Variants in TMEM114 observed in about 807,000 individuals in gnomAD.
TMEM114 encodes the protein transmembrane protein 114.
In TMEM114, 6 loss-of-function variants were observed where a neutral mutation model predicts 6.2. The ratio of observed to expected loss-of-function variants is 0.97; its 90% CI spans 0.53 to 1.91. The LOEUF (loss-of-function observed/expected upper bound fraction) is 1.91, where lower values mean the gene tolerates loss of function less well. Ranked by LOEUF, TMEM114 falls within the 40% of genes most tolerant of loss-of-function variation. The pLI is 0.01. For missense variants in TMEM114, 218 were observed against 158.3 expected (o/e 1.38, Z -2.02); for synonymous variants, 104 against 73.0 (o/e 1.42, Z -2.16).
intron 2 of TMEM114, among the ~76,000 whole-genome samples, chr16:8,557,653 C>G (rs1027004157): frequency 6.6e-6 from 1 of 152,196 alleles, no homozygotes; most frequent in Non-Finnish European, 1.5e-5. Flanking sequence ...GCCTTGGTCC[C>G]TTTTCCAGAA....
intron 2 of TMEM114, among the ~76,000 whole-genome samples, chr16:8,539,703 T>C (rs539322362): frequency 6.6e-6 from 1 of 151,956 alleles, no homozygotes. Context: ...ATGTTGTTCA[T>C]ATAGATCTCA....
chr16:8,550,350 C>T (rs954261848), intron 2 of TMEM114, among the ~76,000 whole-genome samples: 3 of 152,170 alleles, frequency 2.0e-5, no homozygotes, highest in African/African-American at 7.2e-5. Context: ...CATCACAGTA[C>T]CCTAGAATTT....
chr16:8,529,494 C>G, the TMEM114 span, among the ~76,000 whole-genome samples: 1 of 152,142 alleles, frequency 6.6e-6, no homozygotes, highest in South Asian at 2.1e-4. Context: ...AGTGTTTCTA[C>G]GACTGTGGTC....
chr16:8,564,151 GAGTT>G (rs1567203462), intron 2 of TMEM114, among the ~76,000 whole-genome samples: 1 of 151,084 alleles, frequency 6.6e-6, no homozygotes, highest in African/African-American at 2.5e-5. Flanking sequence ...GTGAGTGAAT[GAGTT>G]AGTGAATGAG....
chr16:8,576,704 CAGGAAGGAAGGAAGGAAGGA>C (rs71396282), intron 2 of TMEM114, among the ~76,000 whole-genome samples: 4,720 of 129,410 alleles, frequency 0.036, 92 homozygotes, highest in Non-Finnish European at 0.041. Flanking sequence ...TGAATGAGAG[CAGGAAGGAAGGAAGGAAGGA>C]AGGAAGGAAG....
At chr16:8,565,173 G>C (rs1361884451), downstream of TMEM114, among the ~76,000 whole-genome samples, 1 of 152,134 alleles carries the variant, frequency 6.6e-6, no homozygotes, top group Non-Finnish European at 1.5e-5. Flanking sequence ...ATGCATGGAT[G>C]GATGAGTGAA....
chr16:8,548,692 A>G (rs1204691756), intron 2 of TMEM114, among the ~76,000 whole-genome samples: 1 of 128,928 alleles, frequency 7.8e-6, no homozygotes, highest in African/African-American at 3.1e-5. Context: ...AAAAATTGCC[A>G]TGTATATATA....
At chr16:8,552,257 G>T (rs1242462839) in intron 2 of TMEM114, among the ~76,000 whole-genome samples, 2 of 151,934 alleles carry the variant, frequency 1.3e-5, no homozygotes, top group African/African-American at 2.4e-5. Context: ...GGTTGTGTGT[G>T]CCTATAGTCC....
Position 8,570,394 on chromosome 16 carries a change from C to T in TMEM114, c.440-389G>A, listed in dbSNP as rs1249685730. ...GCAGCGGTGCGATCTCAGCTTGCTG[C>T]GATCTCAGCTTGCTGCAACCTCCAC... On this transcript the variant is annotated intron_variant, in intron 3 of 3. Transcript: ENST00000620492. Among the ~76,000 whole-genome samples the T allele has an allele frequency of 2.0e-5, 3 of 152,098 alleles. No homozygotes were observed. In the East Asian group the frequency reaches 5.8e-4, roughly 29 times the overall value.
intron 2 of TMEM114, among the ~76,000 whole-genome samples, chr16:8,559,974 G>C (rs1254232271): frequency 1.3e-5 from 2 of 152,070 alleles, no homozygotes; most frequent in East Asian, 3.9e-4. Context: ...CTCTGTTCTG[G>C]AAACTTCTGG....
At chr16:8,580,760 C>T (rs994906172) in intron 2 of TMEM114, among the ~76,000 whole-genome samples, 2 of 152,124 alleles carry the variant, frequency 1.3e-5, no homozygotes, top group African/African-American at 2.4e-5. Flanking sequence ...GGCCTTATCT[C>T]GGCTCACTGC....
chr16:8,574,465 T>C (rs1358455469), intron 2 of TMEM114, among the ~76,000 whole-genome samples: 1 of 152,196 alleles, frequency 6.6e-6, no homozygotes, highest in Non-Finnish European at 1.5e-5. Flanking sequence ...CTAACTTTGG[T>C]GAGTCAAGAA....
intron 2 of TMEM114, among the ~76,000 whole-genome samples, chr16:8,545,303 G>A (rs1279937340): frequency 6.6e-6 from 1 of 152,136 alleles, no homozygotes; most frequent in Non-Finnish European, 1.5e-5. Flanking sequence ...AGGCACAGTG[G>A]CACATGCCTG....
intron 2 of TMEM114, among the ~76,000 whole-genome samples, chr16:8,562,680 GTGAGTGAGGGAA>G (rs1339406063): frequency 3.4e-5 from 5 of 148,926 alleles, no homozygotes; most frequent in Admixed American, 6.6e-5. Flanking sequence ...GAGGGAATGA[GTGAGTGAGGGAA>G]TGAGTGAGTG....
downstream of TMEM114, among the ~76,000 whole-genome samples, chr16:8,569,285 C>G (rs1324767229): frequency 6.6e-6 from 1 of 152,094 alleles, no homozygotes; most frequent in South Asian, 2.1e-4. Flanking sequence ...CTAACCTGAC[C>G]CCGTAGAAAG....
rs74337664 is a variant in TMEM114 at position 8,539,395 on chromosome 16, G to A, written n.213-1569C>T. ...TACCCAGAATACTTGCCCCTGGCCC[G>A]AGTGACTGCTCCAGCTCCGCAAAGC... On this transcript the variant is annotated intron_variant and non_coding_transcript_variant, in intron 2 of 2. Transcript: ENST00000623677. Among the ~76,000 whole-genome samples the A allele has an allele frequency of 8.4e-3, 1,284 of 152,188 alleles. 25 individuals carry two copies. Among genetic ancestry groups the A allele is most frequent in the African/African-American group, 0.029 (1,209 of 41,514 alleles).
At chr16:8,552,724 A>G (rs1900885223) in intron 2 of TMEM114, among the ~76,000 whole-genome samples, 1 of 150,424 alleles carries the variant, frequency 6.6e-6, no homozygotes, top group Non-Finnish European at 1.5e-5. Flanking sequence ...AAAAAAAGAC[A>G]ATGGCTGTGC....
chr16:8,544,316 T>A (rs183223696), intron 2 of TMEM114, among the ~76,000 whole-genome samples: 28 of 152,332 alleles, frequency 1.8e-4, no homozygotes, highest in African/African-American at 6.5e-4. Context: ...CAAATGTTTG[T>A]TGAGCATTAA....
Position 8,569,551 on chromosome 16 carries a change from G to A in TMEM114, c.*222C>T, listed in dbSNP as rs1318074671. ...TCGCGAAGCGGTTTGGCACTCCCTCGGGCTCCTCCAGGCCACACGGACACA... is the reference window on the plus strand; with the variant it reads ...TCGCGAAGCGGTTTGGCACTCCCTCAGGCTCCTCCAGGCCACACGGACACA... On this transcript the variant is annotated 3_prime_UTR_variant, in exon 4 of 4. Coordinates refer to ENST00000620492, the MANE Select transcript of TMEM114 (RefSeq NM_001146336.2). The A allele has an allele frequency of 5.0e-6, 7 of 1,406,996 alleles. No individual in the cohort carries two copies. In the Admixed American group the frequency reaches 8.9e-5, roughly 18 times the overall value. The allele number at this position is 1,406,996 out of a possible 1,614,324, so 87.2% of individuals were successfully genotyped here.
Sources: gnomAD v4.1 joint callset for allele counts (sites outside exome capture counted in the v4.1 genomes callset) on GRCh38, gnomAD v4.1.1 for gene constraint, MANE v1.5 for transcripts, NCBI Gene and HGNC (gene_info 2026-07-23, HGNC 2026-07-21) for gene names.